LIMK2: variants seen among roughly 807,000 people sequenced by gnomAD.
The protein encoded by LIMK2 is LIM domain kinase 2.
LIMK2 carries 35 observed loss-of-function variants against 75.7 expected under a neutral mutation model. The observed-to-expected ratio is 0.46, with a 90% CI of 0.35 to 0.61. LIMK2 has a LOEUF of 0.61. LIMK2 is among the 20% of genes least tolerant of loss of function. The probability of loss-of-function intolerance (pLI) is 0.00; values close to 1 mark genes in which losing one functional copy is unlikely to be tolerated. For synonymous variants in LIMK2, 301 were observed against 319.2 expected (o/e 0.94, Z 0.61); for missense variants, 623 against 831.0 (o/e 0.75, Z 3.08).
intron 2 of LIMK2, among the ~76,000 whole-genome samples, chr22:31,228,669 A>G (rs1317109492): frequency 6.6e-6 from 1 of 152,206 alleles, no homozygotes; most frequent in Non-Finnish European, 1.5e-5. Context: ...GTGGTGGCTT[A>G]TGCCTGTAAT....
intron 12 of LIMK2, 106 bp from the exon 13 acceptor site, chr22:31,272,424 A>T: frequency 9.5e-7 from 1 of 1,053,608 alleles, no homozygotes; most frequent in African/African-American, 1.6e-5. Flanking sequence ...CCCTTGCTAT[A>T]CACCTTTTCT....
At chr22:31,220,812 A>G (rs975752303) in intron 1 of LIMK2, among the ~76,000 whole-genome samples, 1 of 152,130 alleles carries the variant, frequency 6.6e-6, no homozygotes, top group Admixed American at 6.5e-5. Flanking sequence ...AAAATACAAA[A>G]TTAGCCGGGC....
chr22:31,228,017 CGTGCGTGT>C (rs572318790), intron 2 of LIMK2, among the ~76,000 whole-genome samples: 1 of 126,506 alleles, frequency 7.9e-6, no homozygotes, highest in East Asian at 3.6e-4. Context: ...TAGCTCTGTG[CGTGCGTGT>C]GTGTGTGTGT....
chr22:31,267,589 A>G (rs1420487332), intron 9 of LIMK2, among the ~76,000 whole-genome samples, 187 bp from the exon 10 acceptor site: 2 of 152,222 alleles, frequency 1.3e-5, no homozygotes, highest in East Asian at 3.8e-4. Context: ...GGTAAGGCCT[A>G]TGAAGCCATC....
At chr22:31,242,183 C>CTT (rs2048628717) in intron 2 of LIMK2, among the ~76,000 whole-genome samples, 1 of 152,128 alleles carries the variant, frequency 6.6e-6, no homozygotes, top group African/African-American at 2.4e-5. Context: ...GATGAGTAAC[C>CTT]CAGTGAAAAC....
intron 2 of LIMK2, among the ~76,000 whole-genome samples, chr22:31,244,156 A>G (rs2048646350): frequency 6.6e-6 from 1 of 152,224 alleles, no homozygotes; most frequent in Non-Finnish European, 1.5e-5. Context: ...CCTCCTGCTC[A>G]CATTCCTAGA....
chr22:31,277,151 C>A, intron 15 of LIMK2: 1 of 1,613,514 alleles, frequency 6.2e-7, no homozygotes, highest in Admixed American at 1.7e-5. Flanking sequence ...GGGTCCCCGA[C>A]CCAGGCGAAC....
Position 31,267,860 on chromosome 22 carries a change from A to G in LIMK2, c.1213A>G (p.Thr405Ala). 6.2e-7 allele frequency: 1 copy of G among 1,612,918 alleles called. No homozygotes were observed. Among genetic ancestry groups the G allele is most frequent in the Non-Finnish European group, 8.5e-7 (1 of 1,179,458 alleles). Residue 405 changes from threonine (T) to alanine (A), a missense_variant, in exon 10 of 16, where the codon ACA becomes GCA. Thr to Ala is a moderately conservative substitution (Grantham distance 58). Transcript: ENST00000331728. ...LYKDKKLNLL[T>A]EYIEGGTLKD... Reference sequence around the variant, plus strand: ...CAAGGATAAGAAGCTGAACCTCCTGACAGAGTACATTGAGGGGGGCACACT... The same window carrying G: ...CAAGGATAAGAAGCTGAACCTCCTGGCAGAGTACATTGAGGGGGGCACACT...
At chr22:31,265,925 C>G in intron 7 of LIMK2, 21 bp from the exon 8 acceptor site, 1 of 1,612,082 alleles carries the variant, frequency 6.2e-7, no homozygotes, top group Non-Finnish European at 8.5e-7. Context: ...CATCCCTACT[C>G]CCGTCTTTCC....
chr22:31,266,896 A>T (rs1453170492), intron 8 of LIMK2, 88 bp from the exon 9 acceptor site: 1 of 887,060 alleles, frequency 1.1e-6, no homozygotes, highest in African/African-American at 1.7e-5. Flanking sequence ...CCTCCAAGGG[A>T]TGGGATGGCC....
At position 31,272,648 on chromosome 22, in the gene LIMK2, A is replaced by G. The variant is rs1196853074; in HGVS notation, c.1502A>G (p.Lys501Arg). 6.2e-7 allele frequency: 1 copy of G among 1,613,970 alleles called. No homozygotes were observed. The highest frequency in any genetic ancestry group is 1.1e-5 in the South Asian group (1 of 91,062). Residue 501 changes from lysine to arginine, a missense_variant, in exon 13 of 16, where the codon AAG becomes AGG. Coordinates refer to ENST00000331728, the MANE Select transcript of LIMK2 (RefSeq NM_005569.4). ...CGCACCTTGCGCAAGAACGACCGCAAGAAGCGCTACACGGTGGTGGGAAAC... is the reference window on the plus strand; with the variant it reads ...CGCACCTTGCGCAAGAACGACCGCAGGAAGCGCTACACGGTGGTGGGAAAC... ...KKRTLRKNDR[K>R]KRYTVVGNPY...
At chr22:31,265,609 A>G (rs570639350) in intron 7 of LIMK2, among the ~76,000 whole-genome samples, 1 of 152,338 alleles carries the variant, frequency 6.6e-6, no homozygotes, top group African/African-American at 2.4e-5. Context: ...GTTAGTACTT[A>G]AATCAAGCAG....
At chr22:31,221,519 C>G (rs1235704342) in intron 1 of LIMK2, among the ~76,000 whole-genome samples, 1 of 152,102 alleles carries the variant, frequency 6.6e-6, no homozygotes, top group Non-Finnish European at 1.5e-5. Context: ...GAGTCTCGCT[C>G]TGTCGCCCAA....
chr22:31,251,304 C>G (rs796595025), intron 2 of LIMK2, among the ~76,000 whole-genome samples: 43 of 152,282 alleles, frequency 2.8e-4, no homozygotes, highest in African/African-American at 9.6e-4. Context: ...ACAAATGAAC[C>G]TTTGTGTTCC....
chr22:31,248,675 A>T (rs766149569), intron 2 of LIMK2: 2 of 1,613,930 alleles, frequency 1.2e-6, no homozygotes, highest in East Asian at 4.5e-5. Flanking sequence ...GCAGTCACAG[A>T]CGGATTTGCA....
chr22:31,248,316 C>G (rs1290513077), intron 2 of LIMK2: 4 of 1,172,634 alleles, frequency 3.4e-6, no homozygotes, highest in African/African-American at 3.2e-5. Context: ...TCCTCTTCCT[C>G]CCTCCCTCCC....
intron 2 of LIMK2, among the ~76,000 whole-genome samples, chr22:31,256,591 C>T (rs532350268): frequency 1.3e-4 from 20 of 152,270 alleles, no homozygotes; most frequent in African/African-American, 3.6e-4. Context: ...CCACCCGCCT[C>T]GGCCTCCCAA....
chr22:31,277,106 C>A lies in LIMK2; in HGVS notation c.1773-1191C>A, dbSNP rs559031525. 3 of 1,613,812 alleles carry A rather than the reference C, an allele frequency of 1.9e-6. No individual in the cohort carries two copies. In the African/African-American group the frequency reaches 4.0e-5, roughly 22 times the overall value. On this transcript the variant is annotated intron_variant, in intron 15 of 15. Transcript: ENST00000331728. ...TCTGGCCTGCTGGACAAGATCCGGG[C>A]CATGCAGAAGCTGAGCACACCCCAG...
Position 31,271,148 on chromosome 22 carries a change from T to C in LIMK2, c.1330T>C (p.Ser444Pro), listed in dbSNP as rs765937785. 6.2e-7 allele frequency: 1 copy of C among 1,614,008 alleles called. No homozygotes were observed. The highest frequency in any genetic ancestry group is 8.5e-7 in the Non-Finnish European group (1 of 1,179,870). Reference protein sequence around the residue: ...GIASGMAYLHSMCIIHRDLNS... With the variant: ...GIASGMAYLHPMCIIHRDLNS... ...GCTTCTGTTCCAGGCCTATTTGCAC[T>C]CTATGTGCATCATCCACCGGGATCT... is the stretch of plus-strand genomic sequence containing the variant. Residue 444 changes from serine to proline, a missense_variant, in exon 12 of 16, where the codon TCT (serine) becomes CCT (proline). Ser to Pro is a moderately conservative substitution (Grantham distance 74). Around this residue, in one of 3 missense-constraint regions of LIMK2, gnomAD observed 514 missense variants for 661.3 expected, o/e 0.78. Coordinates refer to ENST00000331728, the MANE Select transcript of LIMK2 (RefSeq NM_005569.4).
Sources: gnomAD v4.1 joint callset for allele counts (sites outside exome capture counted in the v4.1 genomes callset) on GRCh38, gnomAD v4.1.1 for gene constraint, gnomAD v4.1.1 regional missense constraint, MANE v1.5 for transcripts, NCBI Gene and HGNC (gene_info 2026-07-23, HGNC 2026-07-21) for gene names.